Variants in SCAMP1 observed in about 807,000 individuals in gnomAD.
SCAMP1 encodes secretory carrier membrane protein 1.
Under a neutral mutation model 41.8 loss-of-function variants are expected in SCAMP1, and 15 were observed. The ratio of observed to expected loss-of-function variants is 0.36; its 90% CI spans 0.24 to 0.55. The LOEUF (loss-of-function observed/expected upper bound fraction) is 0.55, where lower values mean the gene tolerates loss of function less well. Ranked by LOEUF, SCAMP1 falls within the 20% of genes least tolerant of loss-of-function variation. The pLI, the probability that SCAMP1 is intolerant of heterozygous loss-of-function variation, is 0.86. For missense variants in SCAMP1, 341 were observed against 412.6 expected, an observed-to-expected ratio of 0.83 and a Z score of 1.50; for synonymous variants, 135 against 136.8, an observed-to-expected ratio of 0.99 and a Z score of 0.09.
At chr5:78,386,667 T>G (rs1462707278) in intron 1 of SCAMP1, among the ~76,000 whole-genome samples, 1 of 152,162 alleles carries the variant, frequency 6.6e-6, no homozygotes, top group Non-Finnish European at 1.5e-5. Context: ...TAGTGGCAAA[T>G]TCTCTCAGCA....
chr5:78,404,008 G>A (rs1318156329), intron 2 of SCAMP1, among the ~76,000 whole-genome samples: 8 of 140,066 alleles, frequency 5.7e-5, no homozygotes, highest in Non-Finnish European at 3.0e-5. Flanking sequence ...TGTTGTCCTA[G>A]CTACTCAGGA....
intron 2 of SCAMP1, among the ~76,000 whole-genome samples, chr5:78,407,049 A>G (rs1163732153): frequency 6.6e-6 from 1 of 152,202 alleles, no homozygotes; most frequent in Non-Finnish European, 1.5e-5. Context: ...TGGTTGCAGT[A>G]GAGTATTTTC....
chr5:78,473,068 C>T (rs1753923240), intron 8 of SCAMP1, among the ~76,000 whole-genome samples: 2 of 152,032 alleles, frequency 1.3e-5, no homozygotes, highest in Admixed American at 1.3e-4. Flanking sequence ...TTTAATTTTC[C>T]ATAGAAAACT....
chr5:78,423,021 C>T (rs1271874455), intron 6 of SCAMP1, among the ~76,000 whole-genome samples: 1 of 6,332 alleles, frequency 1.6e-4, no homozygotes, highest in Non-Finnish European at 3.6e-4. Context: ...CGCGCGCACA[C>T]ACACACACAC....
chr5:78,434,657 T>G, intron 6 of SCAMP1, among the ~76,000 whole-genome samples: 1 of 152,240 alleles, frequency 6.6e-6, no homozygotes, highest in East Asian at 1.9e-4. Context: ...TTTTTACATC[T>G]ATGAGTTTTC....
At chr5:78,365,588 TTGAC>T (rs1333168019) in intron 1 of SCAMP1, among the ~76,000 whole-genome samples, 3 of 152,130 alleles carry the variant, frequency 2.0e-5, no homozygotes, top group African/African-American at 7.2e-5. Context: ...TAGTAGCTGT[TTGAC>T]TGATCATAGT....
intron 1 of SCAMP1, among the ~76,000 whole-genome samples, chr5:78,376,400 G>C (rs902737462): frequency 7.9e-5 from 12 of 152,194 alleles, no homozygotes; most frequent in Non-Finnish European, 1.5e-5. Flanking sequence ...TAGCACAGGT[G>C]TATAGCACAT....
At chr5:78,468,676 T>C (rs958717523) in intron 8 of SCAMP1, among the ~76,000 whole-genome samples, 13 of 152,180 alleles carry the variant, frequency 8.5e-5, no homozygotes, top group African/African-American at 2.9e-4. Flanking sequence ...AAAAAAGTTA[T>C]TTTACCTCTT....
intron 2 of SCAMP1, among the ~76,000 whole-genome samples, chr5:78,404,459 T>G (rs1479046767): frequency 1.4e-5 from 2 of 147,226 alleles, no homozygotes; most frequent in African/African-American, 5.1e-5. Flanking sequence ...ACAGGTTTTT[T>G]TTTTTTTTTT....
chr5:78,480,438 T>C lies in SCAMP1; in HGVS notation c.*4770T>C, dbSNP rs1313140428. On this transcript the variant is annotated 3_prime_UTR_variant, in exon 9 of 9. Transcript: ENST00000621999. Reference sequence around the variant, plus strand: ...TAGAATTCCTCCACAACTTTTAATATTTTGTATGCCAGTGATTCTCAAGAT... The same window carrying C: ...TAGAATTCCTCCACAACTTTTAATACTTTGTATGCCAGTGATTCTCAAGAT... 6.6e-6 allele frequency among the ~76,000 whole-genome samples: 1 copy of C among 152,250 alleles called. No individual in the cohort carries two copies. The highest frequency in any genetic ancestry group is 1.5e-5 in the Non-Finnish European group (1 of 68,040).
intron 1 of SCAMP1, among the ~76,000 whole-genome samples, chr5:78,380,459 G>A (rs909320378): frequency 6.6e-6 from 1 of 152,198 alleles, no homozygotes; most frequent in South Asian, 2.1e-4. Context: ...AGTAGAGTAT[G>A]TCAGACTTTT....
intron 6 of SCAMP1, among the ~76,000 whole-genome samples, chr5:78,422,343 AGTAAG>A (rs1752358348): frequency 6.6e-6 from 1 of 151,708 alleles, no homozygotes; most frequent in Non-Finnish European, 1.5e-5. Context: ...AATTAACCTA[AGTAAG>A]GTAAATATAC....
intron 6 of SCAMP1, among the ~76,000 whole-genome samples, chr5:78,441,490 A>G (rs1752923339): frequency 6.6e-6 from 1 of 152,210 alleles, no homozygotes; most frequent in Admixed American, 6.5e-5. Context: ...CAAGAGAATT[A>G]ATATTAAACT....
Position 78,378,285 on chromosome 5 carries a change from A to G in SCAMP1, c.58-10552A>G, listed in dbSNP as rs1409129189. Among the ~76,000 whole-genome samples the G allele has an allele frequency of 2.0e-5, 3 of 152,226 alleles. No homozygotes were observed. In the South Asian group the frequency reaches 6.2e-4, roughly 31 times the overall value. On this transcript the variant is annotated intron_variant, in intron 1 of 8. Coordinates refer to ENST00000621999, the MANE Select transcript of SCAMP1 (RefSeq NM_004866.6). ...ATGTTATTAGACTACTATTTAGCTT[A>G]AAAATGACATATGTACAGAGAGAAA...
intron 1 of SCAMP1, chr5:78,370,574 T>G (rs1750917733): frequency 6.6e-6 from 1 of 152,234 alleles, no homozygotes; most frequent in African/African-American, 2.4e-5. Context: ...TGTTTCTTTA[T>G]CCATTGCTGG....
At chr5:78,472,015 G>T (rs1753892999) in intron 8 of SCAMP1, among the ~76,000 whole-genome samples, 1 of 152,014 alleles carries the variant, frequency 6.6e-6, no homozygotes, top group East Asian at 1.9e-4. Flanking sequence ...AAGTAGAAAA[G>T]ATAGTATTTA....
At chr5:78,451,528 T>G (rs1355413798) in intron 7 of SCAMP1, among the ~76,000 whole-genome samples, 6 of 152,208 alleles carry the variant, frequency 3.9e-5, no homozygotes, top group Non-Finnish European at 8.8e-5. Flanking sequence ...TTTTGTTGTT[T>G]TGTCATTTCA....
chr5:78,396,810 AT>A (rs1751662059), intron 2 of SCAMP1, among the ~76,000 whole-genome samples: 1 of 152,240 alleles, frequency 6.6e-6, no homozygotes, highest in African/African-American at 2.4e-5. Context: ...TGAGATAGTG[AT>A]AAACTATCAA....
chr5:78,429,309 C>T (rs1489816032), intron 6 of SCAMP1, among the ~76,000 whole-genome samples: 6 of 147,530 alleles, frequency 4.1e-5, no homozygotes, highest in Admixed American at 4.1e-4. Context: ...TTGTTGGTCT[C>T]AGGAACCTCT....
Sources: gnomAD v4.1 joint callset for allele counts (sites outside exome capture counted in the v4.1 genomes callset) on GRCh38, gnomAD v4.1.1 for gene constraint, MANE v1.5 for transcripts, NCBI Gene and HGNC (gene_info 2026-07-23, HGNC 2026-07-21) for gene names.